The following CACNA1A variants were observed in gnomAD, a reference collection of about 807,000 sequenced individuals.
The protein encoded by CACNA1A is voltage-dependent P/Q-type calcium channel subunit alpha-1A.
CACNA1A carries 57 observed loss-of-function variants against 262.4 expected under a neutral mutation model. The ratio of observed to expected loss-of-function variants is 0.22; its 90% CI spans 0.18 to 0.27. The LOEUF (loss-of-function observed/expected upper bound fraction) is 0.27. CACNA1A is among the 10% of genes least tolerant of loss of function. CACNA1A has a pLI of 1.00. For synonymous variants in CACNA1A, 1,431 were observed against 1,419.3 expected (o/e 1.01, Z -0.18); for missense variants, 2,526 against 3,562.8 (o/e 0.71, Z 7.41).
intron 3 of CACNA1A, among the ~76,000 whole-genome samples, chr19:13,401,894 G>A (rs773361654): frequency 7.9e-5 from 12 of 152,180 alleles, no homozygotes; most frequent in Non-Finnish European, 1.2e-4. Flanking sequence ...CCAGGTTGGC[G>A]TTAAACTACT....
chr19:13,489,262 G>A (rs184427470), intron 1 of CACNA1A, among the ~76,000 whole-genome samples: 144 of 151,702 alleles, frequency 9.5e-4, no homozygotes, highest in Admixed American at 1.6e-3. Context: ...TGCCCGCCTC[G>A]GCCTCCCAAA....
intron 31 of CACNA1A, among the ~76,000 whole-genome samples, chr19:13,238,758 G>C (rs914844911): frequency 6.6e-6 from 1 of 151,974 alleles, no homozygotes; most frequent in East Asian, 1.9e-4. Flanking sequence ...GCTAATTTTT[G>C]TATTTTTTAG....
At chr19:13,442,938 T>C (rs907256579) in intron 3 of CACNA1A, among the ~76,000 whole-genome samples, 1 of 152,210 alleles carries the variant, frequency 6.6e-6, no homozygotes, top group Non-Finnish European at 1.5e-5. Flanking sequence ...AGAAAATGGG[T>C]TCTAGATCCA....
chr19:13,323,568 C>T (rs1457778488), intron 10 of CACNA1A, among the ~76,000 whole-genome samples: 1 of 152,082 alleles, frequency 6.6e-6, no homozygotes, highest in African/African-American at 2.4e-5. Flanking sequence ...CTCAAGGGAT[C>T]GTCACATCTT....
intron 10 of CACNA1A, among the ~76,000 whole-genome samples, chr19:13,325,618 A>T (rs2058347625): frequency 6.6e-6 from 1 of 152,172 alleles, no homozygotes; most frequent in African/African-American, 2.4e-5. Flanking sequence ...TATATTTATT[A>T]GAGACAAAGT....
At chr19:13,505,787 C>G in intron 1 of CACNA1A, 145 bp downstream of exon 1, 2 of 791,226 alleles carry the variant, frequency 2.5e-6, no homozygotes, top group Admixed American at 4.4e-5. Flanking sequence ...CACACTCCTC[C>G]CGGTGCCCCC....
chr19:13,322,627 A>T (rs1207625221), intron 10 of CACNA1A, among the ~76,000 whole-genome samples: 1 of 149,810 alleles, frequency 6.7e-6, no homozygotes, highest in Non-Finnish European at 1.5e-5. Context: ...ATGGAGTCTC[A>T]CTCTGTCACC....
At chr19:13,344,175 C>T (rs1364437343) in intron 6 of CACNA1A, among the ~76,000 whole-genome samples, 1 of 142,790 alleles carries the variant, frequency 7.0e-6, no homozygotes, top group Non-Finnish European at 1.5e-5. Context: ...GATCATGCTG[C>T]TGTACTCCAG....
At chr19:13,300,913 C>T (rs191320915) in intron 17 of CACNA1A, among the ~76,000 whole-genome samples, 1 of 152,040 alleles carries the variant, frequency 6.6e-6, no homozygotes, top group African/African-American at 2.4e-5. Context: ...CCCTTCTCTT[C>T]CTACAATGAA....
chr19:13,303,622 G>A lies in CACNA1A; in HGVS notation c.2105-9C>T, dbSNP rs1392079452. 3.1e-6 allele frequency: 5 copies of A among 1,611,700 alleles called. No individual in the cohort carries two copies. In the South Asian group the frequency reaches 5.5e-5, roughly 18 times the overall value. On this transcript the variant is annotated splice_polypyrimidine_tract_variant and intron_variant, in intron 16 of 46. Transcript: ENST00000360228. ...CACATTCAGGAGGGTGTCTGCAAAT[G>A]TCTGAGTCAGGAAAAGCAACCACTG...
intron 9 of CACNA1A, among the ~76,000 whole-genome samples, chr19:13,330,554 C>A (rs147103858): frequency 6.6e-6 from 1 of 152,204 alleles, no homozygotes; most frequent in African/African-American, 2.4e-5. Flanking sequence ...AGTCCGACTC[C>A]AGGTCTGGGC....
intron 38 of CACNA1A, among the ~76,000 whole-genome samples, chr19:13,222,973 G>A (rs982907270): frequency 1.3e-5 from 2 of 152,108 alleles, no homozygotes; most frequent in Non-Finnish European, 2.9e-5. Context: ...GATTACAGGC[G>A]TAAGCCACTG....
chr19:13,323,816 T>C lies in CACNA1A; in HGVS notation c.1345+6428A>G, dbSNP rs533788130. On this transcript the variant is annotated intron_variant, in intron 10 of 46. Transcript: ENST00000360228. ...ATTTTGGCTTCTGTTGCCTGTGCTT[T>C]TGAGGTCCTGTCCAAAAAATCATTC... Among the ~76,000 whole-genome samples, 15 of 152,314 alleles carry C rather than the reference T, an allele frequency of 9.8e-5. No individual in the cohort carries two copies. In the South Asian group the frequency reaches 3.1e-3, roughly 32 times the overall value.
At chr19:13,221,126 G>A in intron 38 of CACNA1A, among the ~76,000 whole-genome samples, 1 of 149,940 alleles carries the variant, frequency 6.7e-6, no homozygotes, top group Non-Finnish European at 1.5e-5. Flanking sequence ...CTTACTAGTG[G>A]TTTCAGCTGG....
At chr19:13,352,931 C>G in intron 6 of CACNA1A, among the ~76,000 whole-genome samples, 1 of 152,122 alleles carries the variant, frequency 6.6e-6, no homozygotes, top group East Asian at 1.9e-4. Flanking sequence ...CGCCACCATG[C>G]CTGGCTAATT....
At chr19:13,393,476 G>A (rs961661030) in intron 3 of CACNA1A, among the ~76,000 whole-genome samples, 5 of 151,742 alleles carry the variant, frequency 3.3e-5, no homozygotes, top group African/African-American at 7.3e-5. Context: ...GTTTCTAAAC[G>A]TTGGTGCTGT....
At chr19:13,369,296 A>G (rs2059276719) in intron 4 of CACNA1A, among the ~76,000 whole-genome samples, 1 of 152,146 alleles carries the variant, frequency 6.6e-6, no homozygotes, top group Admixed American at 6.5e-5. Context: ...GTGACTGACT[A>G]TAGAAGTACA....
intron 3 of CACNA1A, among the ~76,000 whole-genome samples, chr19:13,373,494 G>A (rs887153260): frequency 6.6e-5 from 10 of 152,156 alleles, no homozygotes; most frequent in African/African-American, 2.2e-4. Flanking sequence ...GATCAATACC[G>A]CAGCTCCCTC....
At chr19:13,321,340 C>A (rs2058248954) in intron 10 of CACNA1A, among the ~76,000 whole-genome samples, 1 of 152,054 alleles carries the variant, frequency 6.6e-6, no homozygotes, top group African/African-American at 2.4e-5. Context: ...CCGGGCCAGT[C>A]TGCAATGTTC....
Sources: allele counts gnomAD v4.1 joint callset (sites outside exome capture counted in the v4.1 genomes callset), GRCh38; gene constraint gnomAD v4.1.1; transcripts MANE v1.5; gene names NCBI Gene and HGNC (gene_info 2026-07-23, HGNC 2026-07-21).